Variants in JAM3 observed in about 807,000 individuals in gnomAD.
The protein encoded by JAM3 is junctional adhesion molecule 3, also known as junctional adhesion molecule C.
Under a neutral mutation model 39.4 loss-of-function variants are expected in JAM3, and 31 were observed. The ratio of observed to expected loss-of-function variants is 0.79; its 90% CI spans 0.59 to 1.06. JAM3 has a LOEUF of 1.06. Among genes scored for constraint, JAM3 ranks in the 50% least tolerant of loss-of-function variants. The pLI, the probability that JAM3 is intolerant of heterozygous loss-of-function variation, is 0.00. For synonymous variants in JAM3, 182 were observed against 148.7 expected, an observed-to-expected ratio of 1.22 and a Z score of -1.63; for missense variants, 455 against 391.4, an observed-to-expected ratio of 1.16 and a Z score of -1.37.
intron 5 of JAM3, among the ~76,000 whole-genome samples, chr11:134,145,674 T>C (rs906725794): frequency 2.0e-5 from 3 of 152,212 alleles, no homozygotes; most frequent in African/African-American, 4.8e-5. Flanking sequence ...GGAGCAGTCA[T>C]CATTGAAGAG....
chr11:134,097,843 A>G (rs1319332384), intron 1 of JAM3, among the ~76,000 whole-genome samples: 1 of 151,324 alleles, frequency 6.6e-6, no homozygotes, highest in African/African-American at 2.4e-5. Context: ...GTCTATTCTT[A>G]ATTTTCTTTT....
intron 1 of JAM3, among the ~76,000 whole-genome samples, chr11:134,092,345 T>C (rs536037719): frequency 1.4e-3 from 208 of 145,268 alleles, no homozygotes; most frequent in Non-Finnish European, 2.5e-3. Context: ...ACCCTCCTTA[T>C]TCATCATGTT....
At chr11:134,077,547 A>T (rs1218203439) in intron 1 of JAM3, among the ~76,000 whole-genome samples, 1 of 150,102 alleles carries the variant, frequency 6.7e-6, no homozygotes, top group African/African-American at 2.5e-5. Context: ...TATTTTTAGT[A>T]GAGACAGGGT....
chr11:134,096,896 G>T (rs964860745), intron 1 of JAM3, among the ~76,000 whole-genome samples: 1 of 152,120 alleles, frequency 6.6e-6, no homozygotes, highest in Non-Finnish European at 1.5e-5. Flanking sequence ...AGCAAATCTA[G>T]TATCTTTAAT....
chr11:134,134,429 G>C (rs79485252), intron 1 of JAM3, among the ~76,000 whole-genome samples: 1,172 of 116,858 alleles, frequency 0.01, 19 homozygotes, highest in African/African-American at 0.037. Flanking sequence ...AAAACATCTA[G>C]GCATATCATA....
chr11:134,076,151 CTTTTTTT>C (rs551303530), intron 1 of JAM3, among the ~76,000 whole-genome samples: 2 of 120,406 alleles, frequency 1.7e-5, no homozygotes, highest in East Asian at 2.3e-4. Flanking sequence ...TCTTTTCTTT[CTTTTTTT>C]TTTTTTTTTT....
At chr11:134,137,889 A>G (rs1270584) in intron 1 of JAM3, among the ~76,000 whole-genome samples, 47 of 50,770 alleles carry the variant, frequency 9.3e-4, no homozygotes, top group East Asian at 8.7e-3. Flanking sequence ...GCGTCTCGTC[A>G]AAGTCGTGGT....
chr11:134,125,094 G>C (rs1026921057), intron 1 of JAM3, among the ~76,000 whole-genome samples: 1 of 152,160 alleles, frequency 6.6e-6, no homozygotes, highest in Non-Finnish European at 1.5e-5. Flanking sequence ...CTGTGGTGTC[G>C]CCTCCCGAGG....
chr11:134,078,265 A>G (rs1941605855), intron 1 of JAM3, among the ~76,000 whole-genome samples: 1 of 151,880 alleles, frequency 6.6e-6, no homozygotes, highest in Admixed American at 6.6e-5. Context: ...GATTACAGGC[A>G]TGTGCCACCA....
At chr11:134,069,537 G>T (rs915449217) in intron 1 of JAM3, among the ~76,000 whole-genome samples, 4 of 151,586 alleles carry the variant, frequency 2.6e-5, no homozygotes, top group African/African-American at 9.7e-5. Flanking sequence ...GCGGGGTCCT[G>T]TGCTGGGCGG....
chr11:134,139,900 G>A lies in JAM3; in HGVS notation c.126G>A (p.Val42=), dbSNP rs765527526. ...VNLKSSNRTP[V]VQEFESVELS... ...TCAAATCCAGCAATCGAACCCCAGT[G>A]GTACAGGAATTTGAAAGTAAGTACA... The change falls in exon 2 of 9, where the codon GTG becomes GTA. Residue 42 remains valine, a synonymous_variant. Transcript: ENST00000299106. 9.9e-6 allele frequency: 16 copies of A among 1,613,590 alleles called. No homozygotes were observed. The highest frequency in any genetic ancestry group is 1.4e-5 in the Non-Finnish European group (16 of 1,179,612).
intron 1 of JAM3, chr11:134,124,256 A>T: frequency 1.9e-6 from 2 of 1,074,892 alleles, no homozygotes; most frequent in Non-Finnish European, 2.9e-6. Context: ...TGAGAGTAGC[A>T]CTGGTAGGGT....
chr11:134,144,834 C>T lies in JAM3; in HGVS notation c.452C>T (p.Pro151Leu), dbSNP rs1943042092. 5 of 1,614,102 alleles carry T rather than the reference C, an allele frequency of 3.1e-6. No individual in the cohort carries two copies. Among genetic ancestry groups the T allele is most frequent in the Middle Eastern group, 1.6e-4 (1 of 6,084 alleles). Residue 151 changes from proline (P) to leucine (L), a missense_variant, in exon 5 of 9, where the codon CCA (proline) becomes CTA (leucine). Pro to Leu is a moderately conservative substitution (Grantham distance 98). Transcript: ENST00000299106. Reference protein sequence around the residue: ...TPVCRVPKAVPVGKMATLHCQ... With the variant: ...TPVCRVPKAVLVGKMATLHCQ... ...GTCTGTAGAGTGCCGAAGGCTGTACCAGTAGGCAAGATGGCAACACTGCAC... is the reference window on the plus strand; with the variant it reads ...GTCTGTAGAGTGCCGAAGGCTGTACTAGTAGGCAAGATGGCAACACTGCAC...
intron 1 of JAM3, among the ~76,000 whole-genome samples, chr11:134,116,494 T>G (rs1942436548): frequency 6.6e-6 from 1 of 152,246 alleles, no homozygotes; most frequent in South Asian, 2.1e-4. Context: ...TTTTTTTTCT[T>G]AAAATCTTCC....
intron 1 of JAM3, among the ~76,000 whole-genome samples, chr11:134,125,117 G>T (rs1466952227): frequency 1.3e-5 from 2 of 152,158 alleles, no homozygotes; most frequent in Admixed American, 6.5e-5. Context: ...CACGGCCGCC[G>T]CCACTGCTGC....
At chr11:134,125,707 A>G (rs1209246450) in intron 1 of JAM3, among the ~76,000 whole-genome samples, 1 of 152,204 alleles carries the variant, frequency 6.6e-6, no homozygotes, top group Non-Finnish European at 1.5e-5. Flanking sequence ...AGCCCCGACA[A>G]TACTCAGGAG....
At chr11:134,132,927 C>G (rs1942794734) in intron 1 of JAM3, among the ~76,000 whole-genome samples, 1 of 152,174 alleles carries the variant, frequency 6.6e-6, no homozygotes, top group Admixed American at 6.5e-5. Flanking sequence ...GCTTCTTCTC[C>G]TGAGTTTCTG....
chr11:134,071,749 G>GT (rs1182030915), intron 1 of JAM3, among the ~76,000 whole-genome samples: 1 of 152,064 alleles, frequency 6.6e-6, no homozygotes, highest in Non-Finnish European at 1.5e-5. Flanking sequence ...CTCCAGTAAC[G>GT]TTTTTTAGAA....
intron 1 of JAM3, among the ~76,000 whole-genome samples, chr11:134,122,738 C>T (rs777426732): frequency 2.0e-5 from 3 of 152,168 alleles, no homozygotes; most frequent in Non-Finnish European, 4.4e-5. Flanking sequence ...TTTCTCAAGT[C>T]GAAAATATGT....
Sources: allele counts gnomAD v4.1 joint callset (sites outside exome capture counted in the v4.1 genomes callset), GRCh38; gene constraint gnomAD v4.1.1; transcripts MANE v1.5; gene names NCBI Gene and HGNC (gene_info 2026-07-23, HGNC 2026-07-21).